Variants in ZNF280C observed in about 807,000 individuals in gnomAD.
The protein encoded by ZNF280C is zinc finger protein 280C.
In ZNF280C, 14 loss-of-function variants were observed where a neutral mutation model predicts 53.6. That is an observed-to-expected ratio of 0.26 (90% CI 0.17 to 0.41). The LOEUF is 0.41. ZNF280C is among the 10% of genes least tolerant of loss of function. The pLI is 1.00. For synonymous variants in ZNF280C, 203 were observed against 181.1 expected (o/e 1.12, Z -0.97); for missense variants, 416 against 547.1 (o/e 0.76, Z 2.39).
intron 12 of ZNF280C, among the ~76,000 whole-genome samples, chrX:130,226,281 C>T (rs1424977120): frequency 8.9e-6 from 1 of 111,864 alleles, no homozygotes; most frequent in East Asian, 2.8e-4. Context: ...AAAAAGTGGG[C>T]TAGAAAGTAG....
chrX:130,213,241 C>T (rs906303791), intron 15 of ZNF280C, among the ~76,000 whole-genome samples: 1 of 111,591 alleles, frequency 9.0e-6, no homozygotes, highest in African/African-American at 3.3e-5. Context: ...GGCGTGGTGG[C>T]GTGTGCCTGT....
In ZNF280C at chrX:130,230,585, A is replaced by G; in HGVS notation, c.914T>C (p.Val305Ala). Residue 305 changes from valine to alanine, a missense_variant, in exon 9 of 19, where the codon GTC (valine) becomes GCC (alanine). Transcript: ENST00000370978. Reference protein sequence around the residue: ...NEFYYGRHEGVTEKEPKTYTT... With the variant: ...NEFYYGRHEGATEKEPKTYTT... ...GTAAGTCTTTGGCTCTTTCTCAGTG[A>G]CTCCTTCATGCCTTCCATAATAAAA... 1 of 1,209,389 alleles carries G rather than the reference A, an allele frequency of 8.3e-7. No homozygotes were observed. The highest frequency in any genetic ancestry group is 3.0e-5 in the East Asian group (1 of 33,782).
At chrX:130,212,651 G>C (rs937817349) in intron 15 of ZNF280C, among the ~76,000 whole-genome samples, 2 of 109,483 alleles carry the variant, frequency 1.8e-5, no homozygotes, top group Admixed American at 9.8e-5. Flanking sequence ...AAATCACAAA[G>C]AGTCAAAAAA....
intron 6 of ZNF280C, among the ~76,000 whole-genome samples, chrX:130,238,143 G>C (rs507527): frequency 0.5 from 55,228 of 109,603 alleles, 10,795 homozygotes; most frequent in African/African-American, 0.72. Context: ...AACTCTCCAT[G>C]ATCATCTTAG....
At chrX:130,252,382 G>A (rs777132532) in intron 2 of ZNF280C, among the ~76,000 whole-genome samples, 4 of 111,156 alleles carry the variant, frequency 3.6e-5, no homozygotes, top group South Asian at 3.8e-4. Context: ...CTCAATACAC[G>A]CAGTAAAGGC....
chrX:130,210,138 G>C (rs763629526), intron 15 of ZNF280C, among the ~76,000 whole-genome samples: 2 of 112,283 alleles, frequency 1.8e-5, no homozygotes, highest in East Asian at 2.8e-4. Flanking sequence ...CTCCAGAACT[G>C]TGAGAAATAA....
intron 12 of ZNF280C, among the ~76,000 whole-genome samples, chrX:130,221,969 T>C (rs1174618657): frequency 9.0e-6 from 1 of 111,135 alleles, no homozygotes; most frequent in East Asian, 2.8e-4. Flanking sequence ...TACAATTTCA[T>C]CTCCTACTAC....
chrX:130,261,345 T>G (rs2032629036), intron 1 of ZNF280C, among the ~76,000 whole-genome samples: 2 of 112,406 alleles, frequency 1.8e-5, no homozygotes, highest in Admixed American at 1.9e-4. Flanking sequence ...TTTAAAATAC[T>G]ATTTAAGTTA....
chrX:130,209,566 C>T, intron 16 of ZNF280C, 87 bp downstream of exon 16: 2 of 869,895 alleles, frequency 2.3e-6, no homozygotes, highest in Non-Finnish European at 3.4e-6. Flanking sequence ...AGAACTCTAT[C>T]ATTTCCAAAG....
intron 6 of ZNF280C, among the ~76,000 whole-genome samples, chrX:130,237,870 G>A (rs748529811): frequency 1.3e-3 from 140 of 111,523 alleles, no homozygotes; most frequent in African/African-American, 4.4e-3. Context: ...AACAACCAAT[G>A]AGTGCTAGTA....
rs567814703 is a variant in ZNF280C, at chrX:130,244,800, AGAG to A, written c.179-938_179-936del. 3.6e-3 allele frequency among the ~76,000 whole-genome samples: 137 copies of A among 38,486 alleles called. No homozygotes were observed. In the African/African-American group the frequency reaches 0.036, roughly 10 times the overall value. 33.4% of individuals were successfully genotyped at this position (38,486 alleles called of 115,157 possible). A position where few individuals can be genotyped will look rare whatever the true frequency, so the allele number is the denominator to read the frequency against. On this transcript the variant is annotated intron_variant, in intron 3 of 18. Transcript: ENST00000370978. ...CTTAAAAAAAAAAAAAAAAAAAAAA[AGAG>A]AGAAAAGAATCAGATCTCACAAAAC...
intron 5 of ZNF280C, among the ~76,000 whole-genome samples, chrX:130,241,042 T>A (rs1396115024): frequency 9.0e-6 from 1 of 111,494 alleles, no homozygotes; most frequent in African/African-American, 3.3e-5. Flanking sequence ...GTAGTTAAGG[T>A]TCCCAGTACA....
In ZNF280C at chrX:130,251,282, C is replaced by CAAAAAAAAAAAAAAAA. The variant is rs61571389; in HGVS notation, c.32-4293_32-4278dup. Among the ~76,000 whole-genome samples the CAAAAAAAAAAAAAAAA allele has an allele frequency of 3.9e-3, 60 of 15,339 alleles. 11 individuals are homozygous for CAAAAAAAAAAAAAAAA. Among genetic ancestry groups the CAAAAAAAAAAAAAAAA allele is most frequent in the African/African-American group, 0.014 (36 of 2,590 alleles). 13.3% of individuals were successfully genotyped at this position (15,339 alleles called of 115,157 possible). A position where few individuals can be genotyped will look rare whatever the true frequency, so the allele number is the denominator to read the frequency against. ...AGGCAAACGCAGTAAGGACCTGTCT[C>CAAAAAAAAAAAAAAAA]AAAAAAAAAAAAAAAAAAAAAAAAA... On this transcript the variant is annotated intron_variant, in intron 2 of 18. Transcript: ENST00000370978.
chrX:130,212,625 TG>T (rs36052512), intron 15 of ZNF280C, among the ~76,000 whole-genome samples: 4 of 18,836 alleles, frequency 2.1e-4, no homozygotes, highest in Non-Finnish European at 2.8e-4. Context: ...CGTTGGGGGG[TG>T]GGGGGGTGAC....
intron 1 of ZNF280C, among the ~76,000 whole-genome samples, chrX:130,261,884 C>T (rs2032633930): frequency 1.8e-5 from 2 of 110,816 alleles, no homozygotes; most frequent in South Asian, 7.7e-4. Context: ...TATTCACAAG[C>T]ACGACTCATC....
intron 13 of ZNF280C, 85 bp from the exon 14 acceptor site, chrX:130,216,186 C>T (rs2032102318): frequency 2.3e-6 from 2 of 866,334 alleles, no homozygotes; most frequent in Non-Finnish European, 3.2e-6. Context: ...GTAAATATCA[C>T]ATTTACGGTA....
At chrX:130,265,376 G>A (rs1180280645) in intron 1 of ZNF280C, among the ~76,000 whole-genome samples, 2 of 111,939 alleles carry the variant, frequency 1.8e-5, no homozygotes, top group East Asian at 5.5e-4. Flanking sequence ...ATAGGCATAC[G>A]CTTTTATTAT....
At position 130,226,788 on chromosome X, in the gene ZNF280C, G is replaced by A. The variant is rs1373861965; in HGVS notation, c.1366C>T (p.Pro456Ser). The A allele has an allele frequency of 8.3e-7, 1 of 1,208,377 alleles. No individual in the cohort carries two copies. The highest frequency in any genetic ancestry group is 1.8e-5 in the African/African-American group (1 of 57,048). Residue 456 changes from proline to serine, a missense_variant, in exon 12 of 19, where the codon CCC becomes TCC. Physicochemically the swap from Pro to Ser is moderately conservative, Grantham distance 74. Coordinates refer to ENST00000370978, the MANE Select transcript of ZNF280C (RefSeq NM_017666.5). ...FCLKVSKMAT[P>S]YMNHYMKHQK... is the part of the protein sequence containing the mutation. ...TGCTTCATGTAATGATTCATGTAGG[G>A]GGTTGCCATTTTACTAACTTTGAGG... is the stretch of plus-strand genomic sequence containing the variant.
chrX:130,215,416 G>T, intron 14 of ZNF280C, 83 bp from the exon 15 acceptor site: 1 of 936,776 alleles, frequency 1.1e-6, no homozygotes, highest in South Asian at 2.9e-5. Flanking sequence ...TTTATTAACT[G>T]AAGCCAAAAT....
Sources: gnomAD v4.1 joint callset for allele counts (sites outside exome capture counted in the v4.1 genomes callset) on GRCh38, gnomAD v4.1.1 for gene constraint, MANE v1.5 for transcripts, NCBI Gene and HGNC (gene_info 2026-07-23, HGNC 2026-07-21) for gene names.